The following SLC8A1 variants were observed in gnomAD, a reference collection of about 807,000 sequenced individuals.
SLC8A1 encodes the protein sodium/calcium exchanger 1.
SLC8A1 carries 18 observed loss-of-function variants against 68.3 expected under a neutral mutation model. That is an observed-to-expected ratio of 0.26 (90% CI 0.18 to 0.39). The LOEUF (loss-of-function observed/expected upper bound fraction) is 0.39, where lower values mean the gene tolerates loss of function less well. Among genes scored for constraint, SLC8A1 ranks in the 10% least tolerant of loss-of-function variants. The pLI, the probability that SLC8A1 is intolerant of heterozygous loss-of-function variation, is 1.00. For missense variants in SLC8A1, 985 were observed against 1,156.7 expected, an observed-to-expected ratio of 0.85 and a Z score of 2.15; for synonymous variants, 475 against 415.5, an observed-to-expected ratio of 1.14 and a Z score of -1.74.
At chr2:40,225,762 G>A (rs28660667) in intron 2 of SLC8A1, among the ~76,000 whole-genome samples, 18,659 of 152,154 alleles carry the variant, frequency 0.12, 1,223 homozygotes, top group Non-Finnish European at 0.14. Flanking sequence ...CCCTCCCAAA[G>A]TTGCCTTTTG....
rs918094127 is a variant in SLC8A1 at position 40,167,877 on chromosome 2, T to C, written c.1931-2893A>G. Among the ~76,000 whole-genome samples the C allele has an allele frequency of 5.3e-5, 8 of 152,274 alleles. No individual in the cohort carries two copies. In the South Asian group the frequency reaches 6.2e-4, roughly 12 times the overall value. ...TTTTAATTATCTTTACATATAAATA[T>C]CCAGCACATAAACTCACTGAGATAG... is the stretch of plus-strand genomic sequence containing the variant. On this transcript the variant is annotated intron_variant, in intron 4 of 7. Coordinates refer to ENST00000406785, the Ensembl canonical transcript of SLC8A1.
At chr2:40,426,757 C>T (rs1259589491) in intron 2 of SLC8A1, among the ~76,000 whole-genome samples, 1 of 151,918 alleles carries the variant, frequency 6.6e-6, no homozygotes, top group Non-Finnish European at 1.5e-5. Flanking sequence ...ATGAAATATA[C>T]CTTTAACAAC....
At chr2:40,442,346 C>T (rs1395303908) in intron 1 of SLC8A1, among the ~76,000 whole-genome samples, 4 of 148,762 alleles carry the variant, frequency 2.7e-5, no homozygotes, top group Non-Finnish European at 4.5e-5. Context: ...TTGCAATCTA[C>T]CCAATCTGAC....
intron 2 of SLC8A1, chr2:40,213,344 A>T (rs2056936343): frequency 2.0e-5 from 3 of 152,368 alleles, no homozygotes; most frequent in Middle Eastern, 6.8e-3. Flanking sequence ...CAGTAGATGG[A>T]GTAAGTGGAT....
intron 2 of SLC8A1, among the ~76,000 whole-genome samples, chr2:40,189,246 A>G (rs374605423): frequency 2.0e-4 from 30 of 152,324 alleles, no homozygotes; most frequent in African/African-American, 6.5e-4. Context: ...TTTATATTCC[A>G]TGGGTTCTTT....
At chr2:40,294,245 T>C (rs1283558015) in intron 2 of SLC8A1, among the ~76,000 whole-genome samples, 2 of 152,302 alleles carry the variant, frequency 1.3e-5, no homozygotes, top group Non-Finnish European at 2.9e-5. Context: ...AACAACTTAA[T>C]GTCCATCATT....
At chr2:40,281,947 A>C (rs1371206547) in intron 2 of SLC8A1, among the ~76,000 whole-genome samples, 2 of 152,132 alleles carry the variant, frequency 1.3e-5, no homozygotes, top group African/African-American at 2.4e-5. Context: ...TCTAATACTC[A>C]AAGTTGGTAG....
intron 6 of SLC8A1, among the ~76,000 whole-genome samples, chr2:40,155,513 G>A (rs2044309268): frequency 6.6e-6 from 1 of 152,106 alleles, no homozygotes; most frequent in South Asian, 2.1e-4. Context: ...TTTCCCCATA[G>A]TAATGATGTT....
intron 2 of SLC8A1, among the ~76,000 whole-genome samples, chr2:40,410,530 T>C (rs1559565285): frequency 6.6e-6 from 1 of 152,078 alleles, no homozygotes; most frequent in Non-Finnish European, 1.5e-5. Flanking sequence ...GATTTTCCTA[T>C]GATGAAAATA....
chr2:40,449,960 A>C (rs1702128867), intron 1 of SLC8A1, among the ~76,000 whole-genome samples: 1 of 152,226 alleles, frequency 6.6e-6, no homozygotes. Flanking sequence ...AGGTGTGAGA[A>C]ATCTTAGCTA....
chr2:40,276,024 TC>T (rs2066651057), intron 2 of SLC8A1, among the ~76,000 whole-genome samples: 1 of 152,226 alleles, frequency 6.6e-6, no homozygotes, highest in Admixed American at 6.5e-5. Flanking sequence ...ATTCTAACTT[TC>T]AAAAAGTGGT....
chr2:40,196,727 A>G (rs1359820304), intron 2 of SLC8A1, among the ~76,000 whole-genome samples: 1 of 151,982 alleles, frequency 6.6e-6, no homozygotes, highest in African/African-American at 2.4e-5. Flanking sequence ...CTTTTCTTTC[A>G]TTATCTGTCT....
intron 2 of SLC8A1, among the ~76,000 whole-genome samples, chr2:40,376,144 C>T (rs1679790994): frequency 6.6e-6 from 1 of 152,078 alleles, no homozygotes; most frequent in South Asian, 2.1e-4. Flanking sequence ...CTTTGTCATT[C>T]CTCTTAAGTT....
At chr2:40,145,493 C>T (rs2042290379) in intron 6 of SLC8A1, among the ~76,000 whole-genome samples, 2 of 152,300 alleles carry the variant, frequency 1.3e-5, no homozygotes, top group South Asian at 2.1e-4. Flanking sequence ...GTCTGACTTT[C>T]GATTCTTTCC....
At chr2:40,167,251 C>G (rs1160190527) in intron 4 of SLC8A1, among the ~76,000 whole-genome samples, 1 of 152,152 alleles carries the variant, frequency 6.6e-6, no homozygotes, top group South Asian at 2.1e-4. Flanking sequence ...CCTAGTATCT[C>G]GACTTTTGTA....
chr2:40,313,847 C>A (rs1215179014), intron 2 of SLC8A1, among the ~76,000 whole-genome samples: 2 of 151,998 alleles, frequency 1.3e-5, no homozygotes, highest in African/African-American at 4.8e-5. Context: ...AGTGAAATAT[C>A]TGCTCAAATA....
chr2:40,411,669 A>G (rs779986945), intron 2 of SLC8A1, among the ~76,000 whole-genome samples: 12 of 152,088 alleles, frequency 7.9e-5, no homozygotes, highest in Admixed American at 2.0e-4. Flanking sequence ...TCATTTAATG[A>G]AATAATACTT....
intron 2 of SLC8A1, among the ~76,000 whole-genome samples, chr2:40,233,525 A>T: frequency 7.2e-6 from 1 of 138,492 alleles, no homozygotes; most frequent in Non-Finnish European, 1.6e-5. Flanking sequence ...GGTTGCGAAA[A>T]TTTTCTCCCA....
At chr2:40,510,901 C>T (rs1030412524) in intron 1 of SLC8A1, among the ~76,000 whole-genome samples, 1 of 151,934 alleles carries the variant, frequency 6.6e-6, no homozygotes, top group Non-Finnish European at 1.5e-5. Flanking sequence ...AACACATTTC[C>T]TCTTTCTCTG....
Sources: gnomAD v4.1 joint callset for allele counts (sites outside exome capture counted in the v4.1 genomes callset) on GRCh38, gnomAD v4.1.1 for gene constraint, MANE v1.5 for transcripts, NCBI Gene and HGNC (gene_info 2026-07-23, HGNC 2026-07-21) for gene names.